Variants in SYT1 observed in about 807,000 individuals in gnomAD.
SYT1 encodes synaptotagmin-1.
A neutral mutation model predicts 44.8 loss-of-function variants in SYT1; 8 were observed. The observed-to-expected ratio is 0.18, with a 90% confidence interval of 0.10 to 0.32. The LOEUF (loss-of-function observed/expected upper bound fraction) is 0.32, where lower values mean the gene tolerates loss of function less well. Ranked by LOEUF, SYT1 falls within the 10% of genes least tolerant of loss-of-function variation. The pLI, the probability that SYT1 is intolerant of heterozygous loss-of-function variation, is 1.00. For missense variants in SYT1, 286 were observed against 509.3 expected (o/e 0.56, Z 4.22); for synonymous variants, 154 against 188.8 (o/e 0.82, Z 1.51).
chr12:79,410,380 G>A (rs1041183572), intron 9 of SYT1, among the ~76,000 whole-genome samples: 15 of 151,878 alleles, frequency 9.9e-5, no homozygotes, highest in African/African-American at 3.1e-4. Context: ...GTTCAAGGGC[G>A]AGAATTCAGT....
intron 10 of SYT1, among the ~76,000 whole-genome samples, chr12:79,446,666 T>C (rs1292425368): frequency 1.3e-5 from 2 of 152,184 alleles, no homozygotes; most frequent in African/African-American, 4.8e-5. Context: ...TGGTGTCAAA[T>C]TATACATACT....
intron 2 of SYT1, among the ~76,000 whole-genome samples, chr12:78,992,970 G>A (rs1338899455): frequency 6.6e-6 from 1 of 152,174 alleles, no homozygotes; most frequent in African/African-American, 2.4e-5. Flanking sequence ...TGACTGCAGA[G>A]AAAATTCTCT....
intron 3 of SYT1, among the ~76,000 whole-genome samples, chr12:79,157,754 A>C (rs1870690573): frequency 6.6e-6 from 1 of 152,224 alleles, no homozygotes; most frequent in Non-Finnish European, 1.5e-5. Context: ...CTTTAACCTT[A>C]CTATGCCCTG....
Position 79,043,755 on chromosome 12 carries a change from C to T in SYT1, c.-83-3542C>T, listed in dbSNP as rs575743964. ...TTTACATTTTGGCATGATTTTGCAG[C>T]GGCTGGTGCCAGTTGTTCCTTTCCA... On this transcript the variant is annotated intron_variant, in intron 2 of 10. Coordinates refer to ENST00000261205, the MANE Select transcript of SYT1 (RefSeq NM_005639.3). 1.8e-3 allele frequency among the ~76,000 whole-genome samples: 273 copies of T among 152,208 alleles called. 1 individual carries two copies. Among genetic ancestry groups the T allele is most frequent in the Admixed American group, 4.0e-3 (61 of 15,286 alleles).
chr12:79,074,684 G>A (rs1045593352), intron 3 of SYT1, among the ~76,000 whole-genome samples: 1 of 152,054 alleles, frequency 6.6e-6, no homozygotes, highest in African/African-American at 2.4e-5. Flanking sequence ...CTTTCCCCTC[G>A]ACCTGTACCC....
At chr12:79,131,838 C>G (rs1868842640) in intron 3 of SYT1, among the ~76,000 whole-genome samples, 1 of 151,926 alleles carries the variant, frequency 6.6e-6, no homozygotes, top group Non-Finnish European at 1.5e-5. Context: ...ATATGAAAAA[C>G]TAATAGGAAT....
chr12:79,256,433 C>A (rs552030195), intron 4 of SYT1, among the ~76,000 whole-genome samples: 4 of 152,108 alleles, frequency 2.6e-5, no homozygotes, highest in Non-Finnish European at 4.4e-5. Flanking sequence ...TTTGTCATTG[C>A]GCTTTCTTTA....
intron 9 of SYT1, among the ~76,000 whole-genome samples, chr12:79,435,843 C>T (rs977516433): frequency 1.3e-5 from 2 of 152,172 alleles, no homozygotes; most frequent in African/African-American, 4.8e-5. Flanking sequence ...ATGCCTATAG[C>T]ATCCCTCCCT....
intron 9 of SYT1, among the ~76,000 whole-genome samples, chr12:79,356,352 C>A (rs1883111933): frequency 6.6e-6 from 1 of 151,992 alleles, no homozygotes; most frequent in Non-Finnish European, 1.5e-5. Context: ...TCATGCTTCT[C>A]TCTCACTAGA....
intron 3 of SYT1, among the ~76,000 whole-genome samples, chr12:79,057,469 C>A (rs1382564708): frequency 6.6e-6 from 1 of 151,920 alleles, no homozygotes; most frequent in African/African-American, 2.4e-5. Flanking sequence ...TAATTCTTAG[C>A]AGTAGTTTTG....
chr12:78,990,463 C>T (rs568797831), intron 2 of SYT1, among the ~76,000 whole-genome samples: 20 of 152,228 alleles, frequency 1.3e-4, no homozygotes, highest in Admixed American at 1.2e-3. Flanking sequence ...ACTGTCTTTC[C>T]AGACATTTAC....
At chr12:79,224,883 G>A (rs1252733942) in intron 4 of SYT1, among the ~76,000 whole-genome samples, 2 of 151,540 alleles carry the variant, frequency 1.3e-5, no homozygotes, top group African/African-American at 4.8e-5. Context: ...GGGTTCAAGC[G>A]ATTCTTCTGC....
chr12:79,308,549 A>ACAGG (rs1555216048), intron 8 of SYT1, among the ~76,000 whole-genome samples: 2 of 148,334 alleles, frequency 1.3e-5, no homozygotes, highest in Non-Finnish European at 3.0e-5. Context: ...AGAAAGAAAG[A>ACAGG]AAAAAGAAAG....
In SYT1 at chr12:78,951,017, A is replaced by T. The variant is rs139420685; in HGVS notation, c.-216-26782A>T. On this transcript the variant is annotated intron_variant, in intron 1 of 10. Transcript: ENST00000261205. ...AATAAAATTTTCCCATCTGGTGCATATTATAGTATATTGGAACTAATTGGT... is the reference window on the plus strand; with the variant it reads ...AATAAAATTTTCCCATCTGGTGCATTTTATAGTATATTGGAACTAATTGGT... 5.6e-3 allele frequency among the ~76,000 whole-genome samples: 856 copies of T among 152,216 alleles called. 8 individuals carry two copies. The highest frequency in any genetic ancestry group is 0.019 in the African/African-American group (809 of 41,560).
chr12:79,088,574 G>T (rs889089354), intron 3 of SYT1, among the ~76,000 whole-genome samples: 1 of 151,972 alleles, frequency 6.6e-6, no homozygotes, highest in Non-Finnish European at 1.5e-5. Context: ...ATTACAGAGG[G>T]ATTTATAAGC....
chr12:78,927,557 T>A (rs913508633), intron 1 of SYT1, among the ~76,000 whole-genome samples: 1 of 152,130 alleles, frequency 6.6e-6, no homozygotes, highest in African/African-American at 2.4e-5. Context: ...TACATAAGTG[T>A]CTTGAGTTTG....
chr12:79,138,416 C>A (rs961366411), intron 3 of SYT1, among the ~76,000 whole-genome samples: 3 of 152,180 alleles, frequency 2.0e-5, no homozygotes, highest in Non-Finnish European at 2.9e-5. Flanking sequence ...TGATATTTTG[C>A]TGCATTTCCC....
Position 79,154,214 on chromosome 12 carries a change from A to G in SYT1, c.-17-63289A>G, listed in dbSNP as rs546428616. Among the ~76,000 whole-genome samples, 75 of 152,242 alleles carry G rather than the reference A, an allele frequency of 4.9e-4. No homozygotes were observed. In the South Asian group the frequency reaches 5.0e-3, roughly 10 times the overall value. On this transcript the variant is annotated intron_variant, in intron 3 of 10. Transcript: ENST00000261205. ...TTAAAGAGCCACTGAAGAGCTCTTC[A>G]GAAGCTCTTCAATTTCAGAAGCTCT...
intron 1 of SYT1, among the ~76,000 whole-genome samples, chr12:78,880,289 T>C (rs569774303): frequency 6.6e-6 from 1 of 151,788 alleles, no homozygotes; most frequent in Non-Finnish European, 1.5e-5. Context: ...GCACTTCCTC[T>C]GTATTCTCTT....
Sources: gnomAD v4.1 joint callset for allele counts (sites outside exome capture counted in the v4.1 genomes callset) on GRCh38, gnomAD v4.1.1 for gene constraint, MANE v1.5 for transcripts, NCBI Gene and HGNC (gene_info 2026-07-23, HGNC 2026-07-21) for gene names.